Variants in ARMH3 observed in about 807,000 individuals in gnomAD.
ARMH3 encodes the protein armadillo like helical domain containing 3, also known as armadillo-like helical domain-containing protein 3.
ARMH3 carries 60 observed loss-of-function variants against 99.1 expected under a neutral mutation model. That is an observed-to-expected ratio of 0.61 (90% confidence interval 0.49 to 0.75). ARMH3 has a LOEUF of 0.75. Ranked by LOEUF, ARMH3 falls within the 30% of genes least tolerant of loss-of-function variation. The pLI is 0.00. For synonymous variants in ARMH3, 285 were observed against 292.8 expected, an observed-to-expected ratio of 0.97 and a Z score of 0.27; for missense variants, 679 against 843.1, an observed-to-expected ratio of 0.81 and a Z score of 2.41.
chr10:102,047,706 T>C (rs759084458), intron 1 of ARMH3, among the ~76,000 whole-genome samples: 13 of 152,120 alleles, frequency 8.5e-5, no homozygotes, highest in Admixed American at 3.3e-4. Flanking sequence ...CAGGCTGGTC[T>C]CAAAACTCCT....
rs184772746 is a variant in ARMH3, at chr10:101,929,901, T to G, written c.1781+9962A>C. On this transcript the variant is annotated intron_variant, in intron 23 of 25. Coordinates refer to ENST00000370033, the MANE Select transcript of ARMH3 (RefSeq NM_024541.3). ...AGAAGAGTTTTAGGTTTCAGATTTTTTTTTTAAATTTTGGATATTTGCATT... is the reference window on the plus strand; with the variant it reads ...AGAAGAGTTTTAGGTTTCAGATTTTGTTTTTAAATTTTGGATATTTGCATT... Among the ~76,000 whole-genome samples, 15 of 152,280 alleles carry G rather than the reference T, an allele frequency of 9.9e-5. No homozygotes were observed. The East Asian group carries it at 2.7e-3, about 27-fold the overall frequency.
chr10:101,940,128 C>G (rs142709702), intron 22 of ARMH3, among the ~76,000 whole-genome samples, 190 bp from the exon 23 acceptor site: 1 of 152,356 alleles, frequency 6.6e-6, no homozygotes, highest in Non-Finnish European at 1.5e-5. Context: ...TATTTTCACT[C>G]CAGTTTTTTC....
intron 8 of ARMH3, among the ~76,000 whole-genome samples, chr10:102,019,884 C>T (rs1411273432): frequency 2.0e-5 from 3 of 147,576 alleles, no homozygotes; most frequent in Non-Finnish European, 3.0e-5. Flanking sequence ...GCCAAGATCA[C>T]GCCACTGCAC....
At chr10:101,925,201 T>G (rs1207047360) in intron 23 of ARMH3, among the ~76,000 whole-genome samples, 1 of 152,178 alleles carries the variant, frequency 6.6e-6, no homozygotes, top group East Asian at 1.9e-4. Flanking sequence ...AATAACATAA[T>G]GCAATTGGAG....
At chr10:101,971,741 A>G in intron 20 of ARMH3, among the ~76,000 whole-genome samples, 1 of 152,168 alleles carries the variant, frequency 6.6e-6, no homozygotes, top group East Asian at 1.9e-4. Flanking sequence ...TTTTTTCTGA[A>G]TACAAAGATG....
chr10:101,871,874 G>C (rs574718769), intron 24 of ARMH3, among the ~76,000 whole-genome samples: 3 of 151,942 alleles, frequency 2.0e-5, no homozygotes, highest in Non-Finnish European at 2.9e-5. Flanking sequence ...GGTGGTGCAC[G>C]CTTGTAATCC....
At chr10:102,034,916 AAAAT>A (rs1193590334) in intron 2 of ARMH3, among the ~76,000 whole-genome samples, 1 of 151,926 alleles carries the variant, frequency 6.6e-6, no homozygotes, top group Non-Finnish European at 1.5e-5. Flanking sequence ...CTCAAAAACA[AAAAT>A]AAATAAATAA....
At chr10:102,053,214 TAAAAAAAAAAAAAA>T (rs1191838493) in intron 1 of ARMH3, among the ~76,000 whole-genome samples, 1 of 49,008 alleles carries the variant, frequency 2.0e-5, no homozygotes, top group Non-Finnish European at 3.9e-5. Flanking sequence ...CCTCAGAAGC[TAAAAAAAAAAAAAA>T]AAAAAAAAAA....
At chr10:101,899,174 T>C (rs2067914188) in intron 23 of ARMH3, among the ~76,000 whole-genome samples, 1 of 152,230 alleles carries the variant, frequency 6.6e-6, no homozygotes, top group Non-Finnish European at 1.5e-5. Context: ...TCTGTTTTCC[T>C]GTATACCATC....
At chr10:102,002,116 C>CCACATATCT (rs779637065) in intron 14 of ARMH3, 44 bp from the exon 15 acceptor site, 2 of 1,605,864 alleles carry the variant, frequency 1.2e-6, no homozygotes, top group South Asian at 1.1e-5. Context: ...CAACATATTC[C>CCACATATCT]ATCTAACACT....
In ARMH3 at chr10:101,976,012, G is replaced by A. The variant is rs187015166; in HGVS notation, c.1407-712C>T. 3.2e-3 allele frequency among the ~76,000 whole-genome samples: 463 copies of A among 146,900 alleles called. 7 individuals carry two copies. The highest frequency in any genetic ancestry group is 1.0e-2 in the African/African-American group (409 of 41,024). ...TACTAAAAATATACAAAAAATTAGC[G>A]GGGTGTGGTGGCGGGCGCCTGTAGT... On this transcript the variant is annotated intron_variant, in intron 19 of 25. Coordinates refer to ENST00000370033, the MANE Select transcript of ARMH3 (RefSeq NM_024541.3).
rs771611035 is a variant in ARMH3 at position 102,025,109 on chromosome 10, T to C, written c.507+47A>G. 2.7e-6 allele frequency: 4 copies of C among 1,454,906 alleles called. No individual in the cohort carries two copies. In the South Asian group the frequency reaches 4.6e-5, roughly 17 times the overall value. The allele number at this position is 1,454,906 out of a possible 1,614,324, so 90.1% of individuals were successfully genotyped here. A position where few individuals can be genotyped will look rare whatever the true frequency, so the allele number is the denominator to read the frequency against. ...TTTGGGCTCAAGTATTCAAACAGGA[T>C]TGCCCCTCCTGTCAATTAATACCCT... On this transcript the variant is annotated intron_variant, in intron 6 of 25. Transcript: ENST00000370033.
intron 2 of ARMH3, 77 bp downstream of exon 2, chr10:102,039,936 C>A: frequency 1.5e-6 from 2 of 1,350,784 alleles, no homozygotes; most frequent in Admixed American, 1.7e-5. Context: ...AGGTAGCAGG[C>A]AGAGGTAAGG....
chr10:101,972,660 G>C (rs1845821450), intron 20 of ARMH3, among the ~76,000 whole-genome samples: 1 of 152,184 alleles, frequency 6.6e-6, no homozygotes, highest in Admixed American at 6.5e-5. Context: ...GTGTTTTGCA[G>C]CTTTCCTTAA....
At chr10:101,909,376 C>T (rs1301449980) in intron 23 of ARMH3, among the ~76,000 whole-genome samples, 3 of 148,454 alleles carry the variant, frequency 2.0e-5, no homozygotes, top group Non-Finnish European at 4.4e-5. Context: ...CACTGCACTC[C>T]AGCCTGGGCG....
chr10:101,995,482 T>C (rs181678326), intron 15 of ARMH3, 127 bp from the exon 16 acceptor site: 89 of 781,792 alleles, frequency 1.1e-4, no homozygotes, highest in Middle Eastern at 3.6e-4. Flanking sequence ...AATCCATAAA[T>C]GAAAATCAAG....
rs537659996 is a variant in ARMH3 at position 102,025,630 on chromosome 10, GTTTCT to G, written c.415-387_415-383del. ...ACCTAATGGTTAAATAATTGTATAT[GTTTCT>G]TTTCTTTTCTTTTCTTTTCTTTTCT... On this transcript the variant is annotated intron_variant, in intron 5 of 25. Coordinates refer to ENST00000370033, the MANE Select transcript of ARMH3 (RefSeq NM_024541.3). Among the ~76,000 whole-genome samples the G allele has an allele frequency of 6.4e-3, 966 of 151,954 alleles. 6 individuals carry two copies. Among genetic ancestry groups the G allele is most frequent in the South Asian group, 7.7e-3 (37 of 4,814 alleles).
At chr10:101,938,918 TCTC>T (rs1712624198) in intron 23 of ARMH3, among the ~76,000 whole-genome samples, 1 of 152,144 alleles carries the variant, frequency 6.6e-6, no homozygotes. Context: ...ATTTCACACT[TCTC>T]CTTTTATGCC....
rs541000708 is a variant in ARMH3 at position 101,916,046 on chromosome 10, C to T, written c.1781+23817G>A. 3.3e-5 allele frequency among the ~76,000 whole-genome samples: 5 copies of T among 152,168 alleles called. No individual in the cohort carries two copies. In the South Asian group the frequency reaches 8.3e-4, roughly 25 times the overall value. On this transcript the variant is annotated intron_variant, in intron 23 of 25. Transcript: ENST00000370033. The stretch of plus-strand genomic sequence containing the variant: ...GTCTCGATCTCCTGACCTCGTGATC[C>T]GCCCGCCCCGGCCTCCCAAAGTGCT...
Sources: allele counts gnomAD v4.1 joint callset (sites outside exome capture counted in the v4.1 genomes callset), GRCh38; gene constraint gnomAD v4.1.1; transcripts MANE v1.5; gene names NCBI Gene and HGNC (gene_info 2026-07-23, HGNC 2026-07-21).